Variants in CAPG observed in about 807,000 individuals in gnomAD.
The protein encoded by CAPG is capping actin protein, gelsolin like.
In CAPG, 32 loss-of-function variants were observed where a neutral mutation model predicts 44.6. That is an observed-to-expected ratio of 0.72 (90% CI 0.54 to 0.96). The LOEUF is 0.96. Among genes scored for constraint, CAPG ranks in the 50% least tolerant of loss-of-function variants. The pLI is 0.00. For missense variants in CAPG, 412 were observed against 438.3 expected (o/e 0.94, Z 0.54); for synonymous variants, 175 against 179.6 (o/e 0.97, Z 0.20).
intron 1 of CAPG, among the ~76,000 whole-genome samples, chr2:85,408,338 T>TCTCA (rs1425371847): frequency 3.9e-5 from 5 of 129,490 alleles, no homozygotes; most frequent in African/African-American, 6.1e-5. Flanking sequence ...GAAGAATCTG[T>TCTCA]CACACACACA....
chr2:85,400,164 T>C (rs972409770), intron 5 of CAPG, among the ~76,000 whole-genome samples: 4 of 152,230 alleles, frequency 2.6e-5, no homozygotes, highest in African/African-American at 9.6e-5. Context: ...TGCTCACCAC[T>C]GTGGGCCCAC....
At chr2:85,415,314 T>G (rs1412868700), upstream of CAPG, among the ~76,000 whole-genome samples, 1 of 152,216 alleles carries the variant, frequency 6.6e-6, no homozygotes, top group African/African-American at 2.4e-5. Context: ...TGGATTTGGA[T>G]CCATGGGCAA....
intron 5 of CAPG, among the ~76,000 whole-genome samples, chr2:85,400,188 C>T (rs11684231): frequency 0.16 from 23,780 of 152,206 alleles, 2,356 homozygotes; most frequent in Non-Finnish European, 0.23. Flanking sequence ...TAAAACAGAG[C>T]CCGGCATGGA....
At chr2:85,407,152 A>G (rs1687200831) in intron 1 of CAPG, among the ~76,000 whole-genome samples, 1 of 151,818 alleles carries the variant, frequency 6.6e-6, no homozygotes, top group African/African-American at 2.4e-5. Flanking sequence ...GCTGGTCTTG[A>G]ACTCCTGACC....
intron 8 of CAPG, 144 bp downstream of exon 8, chr2:85,397,876 G>A (rs926683016): frequency 2.5e-6 from 2 of 812,706 alleles, no homozygotes; most frequent in South Asian, 1.8e-5. Context: ...AATTTTTAAA[G>A]AGAGAAAATG....
intron 5 of CAPG, among the ~76,000 whole-genome samples, chr2:85,399,572 C>A (rs1686780862): frequency 6.6e-6 from 1 of 152,132 alleles, no homozygotes; most frequent in Non-Finnish European, 1.5e-5. Flanking sequence ...CTCACTGCAG[C>A]CTTGACGTCA....
chr2:85,406,858 CAA>C (rs1197970158), intron 1 of CAPG, among the ~76,000 whole-genome samples: 2 of 135,768 alleles, frequency 1.5e-5, no homozygotes, highest in Non-Finnish European at 1.6e-5. Flanking sequence ...AACTCCGTCT[CAA>C]AAAAAAAAAG....
downstream of CAPG, among the ~76,000 whole-genome samples, chr2:85,392,442 G>C (rs578190997): frequency 2.4e-5 from 3 of 122,880 alleles, no homozygotes; most frequent in African/African-American, 9.8e-5. Flanking sequence ...GCTGGGGAGT[G>C]GGGGGCAGGT....
Position 85,402,129 on chromosome 2 carries a change from G to C in CAPG, c.17C>G (p.Pro6Arg). ...GATGGGGCATGCAGCTTACCTCTGG[G>C]GAATGGCTGTGTACATGCTGTCTTC... MYTAI[P>R]QSGSPFPGSV... is the part of the protein sequence containing the mutation. The change falls in exon 2 of 10, where the codon CCC becomes CGC. Residue 6 changes from proline (P) to arginine (R), a missense_variant. Physicochemically the swap from Pro to Arg is moderately radical, Grantham distance 103 (BLOSUM62 -2). Coordinates refer to ENST00000263867, the MANE Select transcript of CAPG (RefSeq NM_001747.4). The C allele has an allele frequency of 6.2e-7, 1 of 1,607,950 alleles. No homozygotes were observed. Among genetic ancestry groups the C allele is most frequent in the Non-Finnish European group, 8.5e-7 (1 of 1,176,684 alleles).
chr2:85,395,895 G>A lies in CAPG; in HGVS notation c.893-269C>T. ...AAACTCTGCTCTGACCTGGGCCCCT[G>A]GAATATTTCAGGGAGGGGAACAGGT... On this transcript the variant is annotated intron_variant, in intron 8 of 9. Coordinates refer to ENST00000263867, the MANE Select transcript of CAPG (RefSeq NM_001747.4). The surrounding 1 kb of genome is among the most constrained non-coding windows in gnomAD (Gnocchi z 4.3). 1 of 444,788 alleles carries A rather than the reference G, an allele frequency of 2.2e-6. No individual in the cohort carries two copies. The highest frequency in any genetic ancestry group is 2.7e-5 in the South Asian group (1 of 36,560). 27.6% of individuals were successfully genotyped at this position (444,788 alleles called of 1,614,324 possible).
intron 1 of CAPG, among the ~76,000 whole-genome samples, chr2:85,416,926 G>A (rs537264218): frequency 1.3e-5 from 2 of 152,190 alleles, no homozygotes. Context: ...AGGGGTCTGG[G>A]TGGCCATATT....
chr2:85,403,239 A>G (rs193012690), intron 1 of CAPG, among the ~76,000 whole-genome samples: 1 of 152,366 alleles, frequency 6.6e-6, no homozygotes, highest in East Asian at 1.9e-4. Flanking sequence ...AATATATTCA[A>G]CCACTTATAT....
intron 4 of CAPG, 50 bp from the exon 5 acceptor site, chr2:85,401,379 C>T (rs765338258): frequency 1.3e-4 from 214 of 1,591,892 alleles, no homozygotes; most frequent in Non-Finnish European, 1.6e-4. Context: ...ACCCAGAGCC[C>T]TCTGCACCCC....
At position 85,416,734 on chromosome 2, in the gene CAPG, G is replaced by A. The variant is rs377707766; in HGVS notation, c.-14+1533C>T. Among the ~76,000 whole-genome samples the A allele has an allele frequency of 2.7e-4, 41 of 152,160 alleles. 1 individual carries two copies. The South Asian group carries it at 8.1e-3, about 30-fold the overall frequency. ...TCATCATTTCGGCCAGGCTAGTCTC[G>A]AACTCCTGACCTCAGGTGATCTGCC... On this transcript the variant is annotated intron_variant, in intron 1 of 5. Coordinates refer to the CAPG transcript ENST00000409275.
intron 8 of CAPG, 134 bp downstream of exon 8, chr2:85,397,886 G>A: frequency 2.3e-6 from 2 of 867,570 alleles, no homozygotes; most frequent in Non-Finnish European, 3.6e-6. Flanking sequence ...GAGAGAAAAT[G>A]GTCAGCCAGA....
upstream of CAPG, chr2:85,413,763 A>T (rs1466582279): frequency 1.3e-5 from 2 of 152,212 alleles, no homozygotes; most frequent in Non-Finnish European, 2.9e-5. Flanking sequence ...ACTACTGCTT[A>T]GTTTGTCCCA....
upstream of CAPG, among the ~76,000 whole-genome samples, chr2:85,411,418 C>T (rs1262760177): frequency 6.6e-6 from 1 of 152,214 alleles, no homozygotes; most frequent in Non-Finnish European, 1.5e-5. Context: ...ACACCGAGGT[C>T]CTGAGAGCAC....
chr2:85,401,329 C>G lies in CAPG; in HGVS notation c.352G>C (p.Glu118Gln). The G allele has an allele frequency of 6.2e-7, 1 of 1,613,746 alleles. No individual in the cohort carries two copies. Among genetic ancestry groups the G allele is most frequent in the Non-Finnish European group, 8.5e-7 (1 of 1,179,704 alleles). The change falls in exon 5 of 10, where the codon GAA becomes CAA. Residue 118 changes from glutamate (E) to glutamine (Q), a missense_variant and splice_region_variant. Transcript: ENST00000263867. Reference sequence around the variant, plus strand: ...TGAAATGCTGACTCCACACCACCTTCCTGCAGCCCAGACGGCCCATCTGAG... The same window carrying G: ...TGAAATGCTGACTCCACACCACCTTGCTGCAGCCCAGACGGCCCATCTGAG... ...SYFPRGLKYQ[E>Q]GGVESAFHKT...
rs1435441018 is a variant in CAPG at position 85,401,825 on chromosome 2, G to A, written c.156C>T (p.His52=). The change falls in exon 3 of 10, where the codon CAC becomes CAT. Residue 52 remains histidine, a synonymous_variant. Transcript: ENST00000263867. ...FFSGDSYLVL[H]NGPEEVSHLH... is the part of the protein sequence containing the mutation. ...GATGGGAAACCTCTTCTGGGCCATT[G>A]TGCAGCACTAGGTAGGAGTCCCCCG... 6.2e-7 allele frequency: 1 copy of A among 1,613,992 alleles called. No individual in the cohort carries two copies. Among genetic ancestry groups the A allele is most frequent in the South Asian group, 1.1e-5 (1 of 91,076 alleles).
Sources: allele counts gnomAD v4.1 joint callset (sites outside exome capture counted in the v4.1 genomes callset), GRCh38; gene constraint gnomAD v4.1.1; non-coding constraint Gnocchi (gnomAD v3.1); transcripts MANE v1.5; gene names NCBI Gene and HGNC (gene_info 2026-07-23, HGNC 2026-07-21).